Variants in DPP6 observed in about 807,000 individuals in gnomAD.
The protein encoded by DPP6 is dipeptidyl peptidase like 6.
In DPP6, 69 loss-of-function variants were observed where a neutral mutation model predicts 122.6. That is an observed-to-expected ratio of 0.56 (90% CI 0.46 to 0.69). The LOEUF (loss-of-function observed/expected upper bound fraction) is 0.69, where lower values mean the gene tolerates loss of function less well. DPP6 is among the 30% of genes least tolerant of loss of function. The pLI, the probability that DPP6 is intolerant of heterozygous loss-of-function variation, is 0.00. For synonymous variants in DPP6, 418 were observed against 433.1 expected (o/e 0.97, Z 0.43); for missense variants, 928 against 1,116.9 (o/e 0.83, Z 2.41).
intron 1 of DPP6, among the ~76,000 whole-genome samples, chr7:154,312,612 A>G (rs7805372): frequency 0.26 from 39,035 of 152,054 alleles, 5,876 homozygotes; most frequent in African/African-American, 0.42. Context: ...ATGTGCGCCC[A>G]TGTATGTGTG....
intron 2 of DPP6, among the ~76,000 whole-genome samples, chr7:154,465,081 A>G (rs1398582063): frequency 6.6e-6 from 1 of 152,252 alleles, no homozygotes; most frequent in Non-Finnish European, 1.5e-5. Context: ...TCTCTTTCAA[A>G]ATAATCTCAA....
At chr7:153,765,405 G>A in the DPP6 span, among the ~76,000 whole-genome samples, 106 of 152,182 alleles carry the variant, frequency 7.0e-4, no homozygotes, top group African/African-American at 2.4e-3. Context: ...AGCCAGGCAT[G>A]GTGGCGGGCA....
chr7:153,869,641 C>T, the DPP6 span, among the ~76,000 whole-genome samples: 8 of 152,098 alleles, frequency 5.3e-5, no homozygotes, highest in Admixed American at 1.3e-4. Flanking sequence ...GAGCATTTAG[C>T]CCATTTACAT....
intron 6 of DPP6, among the ~76,000 whole-genome samples, chr7:154,656,156 G>C (rs1586821406): frequency 6.7e-6 from 1 of 148,810 alleles, no homozygotes; most frequent in Admixed American, 6.8e-5. Flanking sequence ...ACAGAGACGA[G>C]GACCAGAGAG....
rs533518263 is a variant in DPP6, at chr7:154,780,983, G to A, written c.1136+8041G>A. 3.3e-5 allele frequency among the ~76,000 whole-genome samples: 5 copies of A among 152,146 alleles called. No homozygotes were observed. In the South Asian group the frequency reaches 1.0e-3, roughly 32 times the overall value. ...GGATGGGTGGATGAATAGATGGATG[G>A]TTGATGGATGAGTGAATGGATGGAT... On this transcript the variant is annotated intron_variant, in intron 10 of 25. Coordinates refer to ENST00000377770, the MANE Select transcript of DPP6 (RefSeq NM_130797.4).
intron 1 of DPP6, among the ~76,000 whole-genome samples, chr7:154,361,901 C>T (rs1811759520): frequency 6.6e-6 from 1 of 152,220 alleles, no homozygotes; most frequent in African/African-American, 2.4e-5. Context: ...TTATCGACTG[C>T]ACTGCTGAGT....
chr7:154,456,316 T>C (rs1292308056), intron 2 of DPP6, among the ~76,000 whole-genome samples: 1 of 152,214 alleles, frequency 6.6e-6, no homozygotes. Context: ...AAATCCCAGA[T>C]ATTCTAAATT....
At chr7:154,062,328 G>T (rs1218881780) in intron 1 of DPP6, among the ~76,000 whole-genome samples, 1 of 65,908 alleles carries the variant, frequency 1.5e-5, no homozygotes, top group Non-Finnish European at 3.0e-5. Flanking sequence ...CGCAGGAGGG[G>T]GAGGCACCCC....
In DPP6 at chr7:154,462,376, A is replaced by T. The variant is rs1326313183; in HGVS notation, c.359-12563A>T. Reference sequence around the variant, plus strand: ...TGTGATTCCATGTAAATTTTAGGATAGTTATTTCTATTTTTGTGAAGAATG... The same window carrying T: ...TGTGATTCCATGTAAATTTTAGGATTGTTATTTCTATTTTTGTGAAGAATG... On this transcript the variant is annotated intron_variant, in intron 2 of 25. Transcript: ENST00000377770. Among the ~76,000 whole-genome samples the T allele has an allele frequency of 3.3e-5, 5 of 152,280 alleles. No individual in the cohort carries two copies. In the South Asian group the frequency reaches 6.2e-4, roughly 19 times the overall value.
chr7:154,255,626 C>T (rs914886223), intron 1 of DPP6, among the ~76,000 whole-genome samples: 1 of 152,190 alleles, frequency 6.6e-6, no homozygotes, highest in Non-Finnish European at 1.5e-5. Context: ...AGCATAGTCC[C>T]CCTCTGCCTT....
Position 154,787,893 on chromosome 7 carries a change from A to G in DPP6, c.1137-6186A>G, listed in dbSNP as rs554177234. Among the ~76,000 whole-genome samples, 29 of 152,166 alleles carry G rather than the reference A, an allele frequency of 1.9e-4. No individual in the cohort carries two copies. The East Asian group carries it at 5.0e-3, about 26-fold the overall frequency. On this transcript the variant is annotated intron_variant, in intron 10 of 25. Coordinates refer to ENST00000377770, the MANE Select transcript of DPP6 (RefSeq NM_130797.4). ...CTAAATAATATCCTTCCATTTCATC[A>G]TGTGTAATGCTGCTATGTTTTGTTT...
chr7:154,036,008 A>ACG (rs976364293), intron 1 of DPP6, among the ~76,000 whole-genome samples: 1 of 10,100 alleles, frequency 9.9e-5, no homozygotes, highest in African/African-American at 8.4e-4. Flanking sequence ...GGCCAGGATT[A>ACG]CGCGCGCGCG....
At chr7:154,225,970 AC>A (rs34307093) in intron 1 of DPP6, among the ~76,000 whole-genome samples, 32,409 of 151,966 alleles carry the variant, frequency 0.21, 6,280 homozygotes, top group African/African-American at 0.52. Context: ...CATGTTACCC[AC>A]TTTTGATGAA....
At chr7:154,597,140 A>G (rs1401133945) in intron 5 of DPP6, among the ~76,000 whole-genome samples, 1 of 145,004 alleles carries the variant, frequency 6.9e-6, no homozygotes, top group Non-Finnish European at 1.5e-5. Context: ...GAGTACAGTG[A>G]GAGAGAGACA....
At chr7:154,489,627 G>A (rs1281118437) in intron 3 of DPP6, among the ~76,000 whole-genome samples, 1 of 152,046 alleles carries the variant, frequency 6.6e-6, no homozygotes, top group Admixed American at 6.6e-5. Flanking sequence ...CTGGAACCCA[G>A]CCTAGACCGT....
At chr7:154,045,517 T>G (rs980982337) in intron 1 of DPP6, among the ~76,000 whole-genome samples, 9 of 152,252 alleles carry the variant, frequency 5.9e-5, no homozygotes, top group African/African-American at 1.9e-4. Context: ...AATCTGCATT[T>G]CCAACAAGTC....
chr7:154,578,299 C>T (rs959748529), intron 5 of DPP6, among the ~76,000 whole-genome samples: 1 of 152,182 alleles, frequency 6.6e-6, no homozygotes, highest in African/African-American at 2.4e-5. Context: ...CCGAGCCTGG[C>T]GACGCTCTCC....
intron 5 of DPP6, among the ~76,000 whole-genome samples, chr7:154,590,986 G>C (rs913164100): frequency 1.3e-5 from 2 of 152,242 alleles, no homozygotes; most frequent in Non-Finnish European, 2.9e-5. Context: ...ACCAAGAAGT[G>C]TGGACATGGC....
rs116814696 is a variant in DPP6, at chr7:154,236,582, G to A, written c.243+183519G>A. ...TTGTACTTCTAGGGAAGATATAGCC[G>A]TTTATTTCTCACTAAACCATGACCT... On this transcript the variant is annotated intron_variant, in intron 1 of 25. Transcript: ENST00000377770. Among the ~76,000 whole-genome samples the A allele has an allele frequency of 7.2e-3, 1,102 of 152,208 alleles. 20 individuals carry two copies. Among genetic ancestry groups the A allele is most frequent in the African/African-American group, 0.025 (1,031 of 41,518 alleles).
Sources: gnomAD v4.1 joint callset for allele counts (sites outside exome capture counted in the v4.1 genomes callset) on GRCh38, gnomAD v4.1.1 for gene constraint, MANE v1.5 for transcripts, NCBI Gene and HGNC (gene_info 2026-07-23, HGNC 2026-07-21) for gene names.